The following ADCK1 variants were observed in gnomAD, a reference collection of about 807,000 sequenced individuals.
ADCK1 encodes aarF domain-containing protein kinase 1.
In ADCK1, 41 loss-of-function variants were observed where a neutral mutation model predicts 52.3. That is an observed-to-expected ratio of 0.78 (90% CI 0.61 to 1.02). ADCK1 has a LOEUF of 1.02. ADCK1 is among the 50% of genes least tolerant of loss of function. The pLI, the probability that ADCK1 is intolerant of heterozygous loss-of-function variation, is 0.00. For missense variants in ADCK1, 658 were observed against 679.5 expected (o/e 0.97, Z 0.35); for synonymous variants, 250 against 274.6 (o/e 0.91, Z 0.89).
chr14:77,908,007 C>T (rs558474382), intron 7 of ADCK1, 88 bp downstream of exon 7: 1 of 1,074,350 alleles, frequency 9.3e-7, no homozygotes, highest in Non-Finnish European at 1.4e-6. Flanking sequence ...CAGGTGAGGC[C>T]TCAGAGTCTG....
At chr14:77,809,340 A>T (rs1056081308) in intron 1 of ADCK1, among the ~76,000 whole-genome samples, 2 of 151,698 alleles carry the variant, frequency 1.3e-5, no homozygotes, top group South Asian at 2.1e-4. Flanking sequence ...AATACAAAAA[A>T]TTTTTTGAGA....
chr14:77,803,492 G>T (rs1445850299), intron 1 of ADCK1, among the ~76,000 whole-genome samples: 1 of 152,144 alleles, frequency 6.6e-6, no homozygotes, highest in African/African-American at 2.4e-5. Flanking sequence ...CGGACATTTC[G>T]TGTGACCATC....
chr14:77,841,892 G>A (rs1011957346), intron 3 of ADCK1, among the ~76,000 whole-genome samples: 10 of 151,072 alleles, frequency 6.6e-5, no homozygotes, highest in African/African-American at 1.9e-4. Flanking sequence ...AGGCATGGTG[G>A]CTCATGCCTG....
Position 77,883,028 on chromosome 14 carries a change from C to G in ADCK1, c.424-4063C>G, listed in dbSNP as rs551190761. Among the ~76,000 whole-genome samples the G allele has an allele frequency of 1.2e-3, 179 of 143,798 alleles. 1 individual carries two copies. The highest frequency in any genetic ancestry group is 2.1e-3 in the Non-Finnish European group (144 of 67,064). 94.3% of individuals were successfully genotyped at this position (143,798 alleles called of 152,430 possible). ...CCCTTCGCACATGTGTGCACACACA[C>G]ACAGAGAAAGAAACCAAATGATAAA... is the stretch of plus-strand genomic sequence containing the variant. On this transcript the variant is annotated intron_variant, in intron 4 of 10. Transcript: ENST00000238561.
chr14:77,826,958 G>A (rs2140051265), intron 3 of ADCK1, among the ~76,000 whole-genome samples: 1 of 152,302 alleles, frequency 6.6e-6, no homozygotes, highest in East Asian at 1.9e-4. Flanking sequence ...CTTTTCTGCT[G>A]AGTGAGCTGA....
At chr14:77,921,123 C>G (rs117700048) in intron 7 of ADCK1, among the ~76,000 whole-genome samples, 54 of 151,380 alleles carry the variant, frequency 3.6e-4, no homozygotes, top group Non-Finnish European at 7.1e-4. Context: ...TCAGGGAGAT[C>G]GAGACCATCC....
At chr14:77,910,494 ACGGCCTT>A (rs2140264173) in intron 7 of ADCK1, among the ~76,000 whole-genome samples, 1 of 152,170 alleles carries the variant, frequency 6.6e-6, no homozygotes, top group South Asian at 2.1e-4. Flanking sequence ...CCTTTCCTGA[ACGGCCTT>A]AAAGGGAAAC....
In ADCK1 at chr14:77,931,528, T is replaced by C. The variant is rs765285872; in HGVS notation, c.1217T>C (p.Ile406Thr). The change falls in exon 10 of 11, where the codon ATT (isoleucine) becomes ACT (threonine). Residue 406 changes from isoleucine (I) to threonine (T), a missense_variant. Transcript: ENST00000238561. ...CCATTGCTGCTTCAGGACTTAGAGATTCGCAACAACGCGGCCAACTACCTC... is the reference window on the plus strand; with the variant it reads ...CCATTGCTGCTTCAGGACTTAGAGACTCGCAACAACGCGGCCAACTACCTC... Reference protein sequence around the residue: ...APVTATEDLEIRNNAANYLPQ... With the variant: ...APVTATEDLETRNNAANYLPQ... 47 of 1,613,176 alleles carry C rather than the reference T, an allele frequency of 2.9e-5. No homozygotes were observed. The East Asian group carries it at 1.0e-3, about 35-fold the overall frequency.
intron 7 of ADCK1, among the ~76,000 whole-genome samples, chr14:77,919,959 A>G (rs1490802188): frequency 3.9e-5 from 6 of 152,086 alleles, no homozygotes; most frequent in Admixed American, 6.6e-5. Flanking sequence ...GATTTGTTTG[A>G]GTTCCTTGTA....
intron 3 of ADCK1, among the ~76,000 whole-genome samples, chr14:77,855,502 G>A (rs2082399109): frequency 6.6e-6 from 1 of 152,218 alleles, no homozygotes; most frequent in Admixed American, 6.5e-5. Flanking sequence ...TGTGTGGTCA[G>A]GGTGGGGTTC....
intron 4 of ADCK1, among the ~76,000 whole-genome samples, chr14:77,869,922 G>C (rs956627754): frequency 6.6e-6 from 1 of 152,190 alleles, no homozygotes; most frequent in Non-Finnish European, 1.5e-5. Context: ...GCCTAAGTCA[G>C]ATGTTGTACC....
intron 3 of ADCK1, among the ~76,000 whole-genome samples, chr14:77,823,611 C>T (rs1326137997): frequency 6.6e-6 from 1 of 151,166 alleles, no homozygotes; most frequent in Admixed American, 6.6e-5. Flanking sequence ...TTTATTCCAT[C>T]ACCCGGTCTG....
chr14:77,860,822 C>T (rs569665921), intron 4 of ADCK1, among the ~76,000 whole-genome samples: 5 of 152,314 alleles, frequency 3.3e-5, no homozygotes, highest in Middle Eastern at 3.4e-3. Context: ...AAATAAATCA[C>T]GGTAATAACA....
chr14:77,860,921 C>T (rs2082531125), intron 4 of ADCK1, among the ~76,000 whole-genome samples: 1 of 152,174 alleles, frequency 6.6e-6, no homozygotes, highest in Non-Finnish European at 1.5e-5. Context: ...TGGAGGCTGA[C>T]TTGTCTGGAG....
intron 7 of ADCK1, among the ~76,000 whole-genome samples, chr14:77,909,613 T>G (rs2083747715): frequency 1.3e-5 from 2 of 151,620 alleles, no homozygotes; most frequent in African/African-American, 4.9e-5. Flanking sequence ...GGTGGCCATG[T>G]GACTGCTGTA....
At chr14:77,829,896 G>T (rs1029721424) in intron 3 of ADCK1, among the ~76,000 whole-genome samples, 1 of 151,136 alleles carries the variant, frequency 6.6e-6, no homozygotes, top group Non-Finnish European at 1.5e-5. Flanking sequence ...GGGACAAGGT[G>T]ATTTTGGCTG....
At chr14:77,861,269 C>T (rs2082539715) in intron 4 of ADCK1, among the ~76,000 whole-genome samples, 1 of 152,168 alleles carries the variant, frequency 6.6e-6, no homozygotes. Context: ...CAGGGCCCCA[C>T]AGGCACACAC....
At chr14:77,850,217 CAG>C (rs1778914863) in intron 3 of ADCK1, among the ~76,000 whole-genome samples, 1 of 152,110 alleles carries the variant, frequency 6.6e-6, no homozygotes, top group African/African-American at 2.4e-5. Context: ...AAAAAACAAA[CAG>C]AAAGAATATG....
intron 10 of ADCK1, among the ~76,000 whole-genome samples, chr14:77,932,468 T>C (rs1232891552): frequency 6.6e-6 from 1 of 152,074 alleles, no homozygotes; most frequent in African/African-American, 2.4e-5. Flanking sequence ...GTGTGACAAA[T>C]ACGTCGGAAG....
Sources: gnomAD v4.1 joint callset for allele counts (sites outside exome capture counted in the v4.1 genomes callset) on GRCh38, gnomAD v4.1.1 for gene constraint, MANE v1.5 for transcripts, NCBI Gene and HGNC (gene_info 2026-07-23, HGNC 2026-07-21) for gene names.